The following MICAL2 variants were observed in gnomAD, a reference collection of about 807,000 sequenced individuals.
MICAL2 encodes the protein [F-actin]-monooxygenase MICAL2.
MICAL2 carries 77 observed loss-of-function variants against 127.3 expected under a neutral mutation model. The ratio of observed to expected loss-of-function variants is 0.60; its 90% confidence interval spans 0.50 to 0.73. MICAL2 has a LOEUF of 0.73. Ranked by LOEUF, MICAL2 falls within the 30% of genes least tolerant of loss-of-function variation. The probability of loss-of-function intolerance (pLI) is 0.00; values close to 1 mark genes in which losing one functional copy is unlikely to be tolerated. For missense variants in MICAL2, 1,351 were observed against 1,434.4 expected, an observed-to-expected ratio of 0.94 and a Z score of 0.94; for synonymous variants, 570 against 551.1, an observed-to-expected ratio of 1.03 and a Z score of -0.48.
At chr11:12,281,655 C>A (rs1411032816) in intron 2 of MICAL2, among the ~76,000 whole-genome samples, 1 of 152,176 alleles carries the variant, frequency 6.6e-6, no homozygotes, top group Non-Finnish European at 1.5e-5. Flanking sequence ...GGACTTTTCC[C>A]ATACGTGTGG....
At chr11:12,259,465 T>A (rs1330968898) in intron 25 of MICAL2, among the ~76,000 whole-genome samples, 1 of 152,240 alleles carries the variant, frequency 6.6e-6, no homozygotes, top group Non-Finnish European at 1.5e-5. Context: ...GTCGTTGGAA[T>A]TTTTTATCTT....
At chr11:12,127,390 A>G (rs387947) in intron 1 of MICAL2, among the ~76,000 whole-genome samples, 9 of 152,216 alleles carry the variant, frequency 5.9e-5, no homozygotes, top group Non-Finnish European at 1.2e-4. Flanking sequence ...CAGGGAAAAA[A>G]ACAAAACAAG....
At chr11:12,226,491 C>G in intron 14 of MICAL2, 121 bp downstream of exon 14, 1 of 991,056 alleles carries the variant, frequency 1.0e-6, no homozygotes, top group Non-Finnish European at 1.5e-6. Context: ...TTCCCCTTGA[C>G]TTTGAGGCCA....
chr11:12,259,576 G>T, intron 25 of MICAL2: 2 of 437,028 alleles, frequency 4.6e-6, no homozygotes. Flanking sequence ...CGATCAAAAG[G>T]CATGCATATT....
At chr11:12,264,076 C>T (rs1483073725), downstream of MICAL2, among the ~76,000 whole-genome samples, 3 of 152,118 alleles carry the variant, frequency 2.0e-5, no homozygotes, top group Admixed American at 6.5e-5. Flanking sequence ...GTCCCCTCAG[C>T]GATTAGAAGC....
At chr11:12,263,886 G>C (rs1367327990), downstream of MICAL2, 1 of 152,426 alleles carries the variant, frequency 6.6e-6, no homozygotes, top group Non-Finnish European at 1.5e-5. Context: ...GGCGGGACTT[G>C]CACTTGAGGT....
At chr11:12,236,630 A>T (rs892167302) in intron 16 of MICAL2, among the ~76,000 whole-genome samples, 1 of 152,210 alleles carries the variant, frequency 6.6e-6, no homozygotes, top group Admixed American at 6.5e-5. Flanking sequence ...TCTCCCAATC[A>T]TCGTTTGTAT....
At chr11:12,271,672 G>C (rs1327226723), upstream of MICAL2, among the ~76,000 whole-genome samples, 4 of 152,148 alleles carry the variant, frequency 2.6e-5, no homozygotes, top group Non-Finnish European at 4.4e-5. Flanking sequence ...TCCAGTATTT[G>C]TACTAGTGCC....
In MICAL2 at chr11:12,354,611, C is replaced by T. The variant is rs570914808; in HGVS notation, c.5616-173C>T. ...TGGTGCCACTGCACTCCAGTCCAGA[C>T]GACAAAGACTCGGTCTCAGAAAAAT... On this transcript the variant is annotated intron_variant, in intron 33 of 34. Coordinates refer to the MICAL2 transcript ENST00000646065. Among the ~76,000 whole-genome samples, 8 of 152,132 alleles carry T rather than the reference C, an allele frequency of 5.3e-5. No individual in the cohort carries two copies. In the South Asian group the frequency reaches 6.2e-4, roughly 12 times the overall value.
At chr11:12,115,593 A>G (rs1233906353) in intron 1 of MICAL2, among the ~76,000 whole-genome samples, 1 of 152,158 alleles carries the variant, frequency 6.6e-6, no homozygotes, top group Non-Finnish European at 1.5e-5. Flanking sequence ...TACTGGGATC[A>G]CAGGTATGAA....
intron 8 of MICAL2, among the ~76,000 whole-genome samples, chr11:12,217,324 T>C (rs1021253787): frequency 4.6e-5 from 7 of 152,178 alleles, no homozygotes; most frequent in African/African-American, 1.7e-4. Context: ...TGGGTGGCAT[T>C]AGTAACCCAG....
At chr11:12,168,420 C>G (rs1872564) in intron 3 of MICAL2, among the ~76,000 whole-genome samples, 1 of 151,644 alleles carries the variant, frequency 6.6e-6, no homozygotes, top group South Asian at 2.1e-4. Flanking sequence ...TACATACCCC[C>G]CACACACCAT....
chr11:12,234,679 A>C (rs1858772955), intron 15 of MICAL2, among the ~76,000 whole-genome samples: 1 of 152,190 alleles, frequency 6.6e-6, no homozygotes, highest in Non-Finnish European at 1.5e-5. Flanking sequence ...AAAAACAAAC[A>C]AAAAAATCTG....
At chr11:12,189,993 T>C (rs1858877618) in intron 3 of MICAL2, among the ~76,000 whole-genome samples, 1 of 152,250 alleles carries the variant, frequency 6.6e-6, no homozygotes, top group African/African-American at 2.4e-5. Flanking sequence ...CCTCCCGATG[T>C]CTAGACACTT....
chr11:12,334,351 A>G (rs1003785752), intron 32 of MICAL2, among the ~76,000 whole-genome samples: 3 of 152,144 alleles, frequency 2.0e-5, no homozygotes, highest in Non-Finnish European at 4.4e-5. Flanking sequence ...TTGTTATACC[A>G]TGTTGTTTAG....
chr11:12,149,333 G>T (rs1339261169), intron 2 of MICAL2, among the ~76,000 whole-genome samples: 4 of 152,160 alleles, frequency 2.6e-5, no homozygotes, highest in Admixed American at 6.5e-5. Flanking sequence ...AAGATGTTTG[G>T]ACTTCACCCT....
downstream of MICAL2, chr11:12,294,969 A>T (rs1863967267): frequency 7.5e-7 from 1 of 1,334,170 alleles, no homozygotes; most frequent in Admixed American, 3.5e-5. Context: ...AAATACTAAC[A>T]AAAGTAGGAA....
At chr11:12,159,970 AG>A (rs1854592208) in intron 2 of MICAL2, among the ~76,000 whole-genome samples, 1 of 152,160 alleles carries the variant, frequency 6.6e-6, no homozygotes, top group Non-Finnish European at 1.5e-5. Flanking sequence ...GAAGTTGCTG[AG>A]TGTCATAGAC....
At chr11:12,250,881 A>G (rs1861442052) in intron 22 of MICAL2, among the ~76,000 whole-genome samples, 1 of 152,124 alleles carries the variant, frequency 6.6e-6, no homozygotes, top group African/African-American at 2.4e-5. Context: ...CCATCAATGC[A>G]TGCTTCTGTT....
Sources: allele counts gnomAD v4.1 joint callset (sites outside exome capture counted in the v4.1 genomes callset), GRCh38; gene constraint gnomAD v4.1.1; transcripts MANE v1.5; gene names NCBI Gene and HGNC (gene_info 2026-07-23, HGNC 2026-07-21).